ARHGAP8: variants seen among roughly 807,000 people sequenced by gnomAD.
ARHGAP8 encodes Rho GTPase activating protein 8.
A neutral mutation model predicts 46.1 loss-of-function variants in ARHGAP8; 62 were observed. The observed-to-expected ratio is 1.34, with a 90% CI of 1.10 to 1.66. ARHGAP8 has a LOEUF of 1.66. Among genes scored for constraint, ARHGAP8 ranks in the 40% most tolerant of loss-of-function variants. The pLI is 0.00. For synonymous variants in ARHGAP8, 375 were observed against 243.1 expected, an observed-to-expected ratio of 1.54 and a Z score of -5.05; for missense variants, 923 against 568.4, an observed-to-expected ratio of 1.62 and a Z score of -6.34.
chr22:44,816,752 TTG>T (rs1444422569), intron 5 of ARHGAP8, among the ~76,000 whole-genome samples: 5 of 150,650 alleles, frequency 3.3e-5, no homozygotes, highest in Admixed American at 3.3e-4. Flanking sequence ...CTGCAGTGGC[TTG>T]TGTTTGTGCC....
Position 44,862,338 on chromosome 22 carries a change from A to G in ARHGAP8, c.1045A>G (p.Asn349Asp). Reference protein sequence around the residue: ...SSNLACVFGLNLIWPSQGVSS... With the variant: ...SSNLACVFGLDLIWPSQGVSS... ...TAACCTGGCCTGTGTCTTCGGGCTG[A>G]ATTTGATCTGGCCATCCCAGGGGGT... The change falls in exon 12 of 12, where the codon AAT (asparagine) becomes GAT (aspartate). Residue 349 changes from asparagine (N) to aspartate (D), a missense_variant. Transcript: ENST00000356099. 1.2e-6 allele frequency: 2 copies of G among 1,613,940 alleles called. No homozygotes were observed. Among genetic ancestry groups the G allele is most frequent in the South Asian group, 2.2e-5 (2 of 91,058 alleles).
intron 11 of ARHGAP8, among the ~76,000 whole-genome samples, chr22:44,861,975 A>T (rs539755417): frequency 1.2e-4 from 18 of 152,110 alleles, no homozygotes; most frequent in Non-Finnish European, 2.4e-4. Flanking sequence ...GCCCATCCCC[A>T]AGATTGCATC....
chr22:44,784,106 TAAAAA>T, intron 1 of ARHGAP8, among the ~76,000 whole-genome samples: 1 of 150,872 alleles, frequency 6.6e-6, no homozygotes, highest in South Asian at 2.1e-4. Context: ...AAATTAAAAA[TAAAAA>T]AAAAGTACAC....
intron 10 of ARHGAP8, among the ~76,000 whole-genome samples, chr22:44,853,637 T>C (rs776383505): frequency 6.6e-6 from 1 of 152,260 alleles, no homozygotes; most frequent in Non-Finnish European, 1.5e-5. Context: ...AATTGACCTA[T>C]GTCGGCTCTT....
In ARHGAP8 at chr22:44,825,553, C is replaced by CTA. The variant is rs1289439856; in HGVS notation, c.556_557insTA (p.Pro186LeufsTer29). 1.9e-6 allele frequency: 3 copies of CTA among 1,612,968 alleles called. No homozygotes were observed. The highest frequency in any genetic ancestry group is 2.2e-5 in the South Asian group (2 of 90,978). On this transcript the variant is annotated frameshift_variant, in exon 7 of 12. Coordinates refer to ENST00000356099, the MANE Select transcript of ARHGAP8 (RefSeq NM_181335.3). LOFTEE classifies it high-confidence loss of function. ...TCCCACCAAGACACCACCGCCGCGG[C>CTA]CCCCGCTGCCCACACAGCAGTTTGG...
rs139122390 is a variant in ARHGAP8 at position 44,763,390 on chromosome 22, G to A, written c.-72+10763G>A. On this transcript the variant is annotated intron_variant, in intron 1 of 11. Transcript: ENST00000356099. ...TGCGTGCCTGTAATCACAGCTACTC[G>A]GGAGGCTGAGACACAAGAATCACTT... is the stretch of plus-strand genomic sequence containing the variant. 5.2e-3 allele frequency among the ~76,000 whole-genome samples: 787 copies of A among 150,942 alleles called. 11 individuals are homozygous for A. The highest frequency in any genetic ancestry group is 0.018 in the African/African-American group (758 of 41,056).
intron 10 of ARHGAP8, among the ~76,000 whole-genome samples, chr22:44,858,200 G>C (rs2070292021): frequency 6.6e-6 from 1 of 152,218 alleles, no homozygotes; most frequent in Non-Finnish European, 1.5e-5. Flanking sequence ...AGAGCACCCG[G>C]TGGTCACCAG....
chr22:44,787,037 C>CAAAAAAAAAA (rs57241720), intron 2 of ARHGAP8, among the ~76,000 whole-genome samples: 12 of 119,150 alleles, frequency 1.0e-4, no homozygotes, highest in South Asian at 3.3e-4. Context: ...CTCAAAAAAA[C>CAAAAAAAAAA]AAAAAAAAAA....
intron 7 of ARHGAP8, among the ~76,000 whole-genome samples, chr22:44,839,038 C>A (rs919935447): frequency 2.0e-5 from 3 of 152,092 alleles, no homozygotes; most frequent in African/African-American, 7.2e-5. Context: ...AAGGGAGGGA[C>A]AGGGTTTGAA....
rs868712024 is a variant in ARHGAP8, at chr22:44,846,523, C to T, written c.670+1181C>T. ...CTGCGGCCCCAGCATTTCCCTCAGT[C>T]ACGATGCTCAGCTGGCAGGTGAGCA... is the stretch of plus-strand genomic sequence containing the variant. On this transcript the variant is annotated intron_variant, in intron 8 of 11. Transcript: ENST00000356099. 5.9e-5 allele frequency among the ~76,000 whole-genome samples: 9 copies of T among 152,212 alleles called. No individual in the cohort carries two copies. The South Asian group carries it at 1.7e-3, about 28-fold the overall frequency.
At chr22:44,851,785 G>A (rs2070100560) in intron 10 of ARHGAP8, among the ~76,000 whole-genome samples, 1 of 152,052 alleles carries the variant, frequency 6.6e-6, no homozygotes, top group South Asian at 2.1e-4. Context: ...GCTACAGTGA[G>A]CCATGATCAC....
chr22:44,857,216 A>G (rs2070251596), intron 10 of ARHGAP8, among the ~76,000 whole-genome samples: 1 of 151,516 alleles, frequency 6.6e-6, no homozygotes, highest in Non-Finnish European at 1.5e-5. Flanking sequence ...CTGGTATTAT[A>G]GGTGTGAGCC....
At chr22:44,784,551 G>A (rs549651380) in intron 1 of ARHGAP8, among the ~76,000 whole-genome samples, 1 of 152,286 alleles carries the variant, frequency 6.6e-6, no homozygotes, top group African/African-American at 2.4e-5. Flanking sequence ...TTTTCTATCA[G>A]GGATTTGAGC....
intron 1 of ARHGAP8, among the ~76,000 whole-genome samples, chr22:44,757,805 A>ATT (rs132444): frequency 0.066 from 9,069 of 136,738 alleles, 310 homozygotes; most frequent in Non-Finnish European, 0.088. Context: ...TGCCTGGCTA[A>ATT]TTTTTTTTTT....
In ARHGAP8 at chr22:44,825,881, C is replaced by T. The variant is rs543137848; in HGVS notation, c.596+288C>T. 4.1e-3 allele frequency among the ~76,000 whole-genome samples: 446 copies of T among 107,812 alleles called. 5 individuals carry two copies. The highest frequency in any genetic ancestry group is 0.016 in the African/African-American group (414 of 26,434). The allele number at this position is 107,812 out of a possible 152,430, so 70.7% of individuals were successfully genotyped here. On this transcript the variant is annotated intron_variant, in intron 7 of 11. Coordinates refer to ENST00000356099, the MANE Select transcript of ARHGAP8 (RefSeq NM_181335.3). ...CTGCTCGGTGCCTGGTTGGGGGGCGCGTGCTTGCTGCTCCGTGCCTCGTTG... is the reference window on the plus strand; with the variant it reads ...CTGCTCGGTGCCTGGTTGGGGGGCGTGTGCTTGCTGCTCCGTGCCTCGTTG...
At chr22:44,860,472 A>C (rs1462573446) in intron 11 of ARHGAP8, among the ~76,000 whole-genome samples, 3 of 151,492 alleles carry the variant, frequency 2.0e-5, no homozygotes, top group Admixed American at 2.0e-4. Flanking sequence ...TTTCCCTCCT[A>C]AGTGTGGACC....
chr22:44,857,173 C>G (rs1361457974), intron 10 of ARHGAP8, among the ~76,000 whole-genome samples: 1 of 147,818 alleles, frequency 6.8e-6, no homozygotes, highest in Non-Finnish European at 1.5e-5. Flanking sequence ...CTCCTGACCT[C>G]AGGTGATTCA....
At chr22:44,836,587 C>T (rs1031965033) in intron 7 of ARHGAP8, among the ~76,000 whole-genome samples, 23 of 150,940 alleles carry the variant, frequency 1.5e-4, no homozygotes, top group Non-Finnish European at 2.9e-4. Flanking sequence ...GCACAGTGGT[C>T]ACTGTGATCG....
chr22:44,801,478 C>T (rs889747643), intron 2 of ARHGAP8, among the ~76,000 whole-genome samples: 2 of 59,066 alleles, frequency 3.4e-5, no homozygotes, highest in African/African-American at 6.0e-5. Context: ...GGCACCTCTC[C>T]CCGCAGCTGT....
Sources: gnomAD v4.1 joint callset for allele counts (sites outside exome capture counted in the v4.1 genomes callset) on GRCh38, gnomAD v4.1.1 for gene constraint, MANE v1.5 for transcripts, NCBI Gene and HGNC (gene_info 2026-07-23, HGNC 2026-07-21) for gene names.